NGEF: variants seen among roughly 807,000 people sequenced by gnomAD.
The protein encoded by NGEF is ephexin-1.
In NGEF, 31 loss-of-function variants were observed where a neutral mutation model predicts 80.9. The observed-to-expected ratio is 0.38, with a 90% CI of 0.29 to 0.52. The LOEUF (loss-of-function observed/expected upper bound fraction) is 0.52. Among genes scored for constraint, NGEF ranks in the 20% least tolerant of loss-of-function variants. The pLI, the probability that NGEF is intolerant of heterozygous loss-of-function variation, is 0.84. For synonymous variants in NGEF, 371 were observed against 370.2 expected, an observed-to-expected ratio of 1.00 and a Z score of -0.03; for missense variants, 709 against 926.2, an observed-to-expected ratio of 0.77 and a Z score of 3.04.
In NGEF at chr2:232,894,887, C is replaced by T. The variant is rs527494178; in HGVS notation, c.858G>A (p.Ala286=). The change falls in exon 6 of 15, where the codon GCG becomes GCA. Residue 286 remains alanine (A), a synonymous_variant. Transcript: ENST00000264051. ...EAMFELVTSE[A]SYYKSLNLLV... is the part of the protein sequence containing the mutation. ...GCAGGTTCAGACTCTTGTAGTAGGA[C>T]GCCTCGGAAGTGACCAGCTCGAACA... 3.2e-5 allele frequency: 51 copies of T among 1,601,990 alleles called. No homozygotes were observed. The highest frequency in any genetic ancestry group is 1.8e-4 in the Admixed American group (11 of 59,884).
chr2:232,968,991 G>A (rs1559228709), intron 3 of NGEF, among the ~76,000 whole-genome samples: 1 of 152,188 alleles, frequency 6.6e-6, no homozygotes, highest in Non-Finnish European at 1.5e-5. Flanking sequence ...AGGCGTGAAG[G>A]AGCCGCGGTC....
chr2:232,953,301 C>CAAAAAA (rs57652494), intron 3 of NGEF, among the ~76,000 whole-genome samples: 28 of 91,010 alleles, frequency 3.1e-4, no homozygotes, highest in East Asian at 6.6e-4. Context: ...GACTCTGTGT[C>CAAAAAA]AAAAAAAAAA....
intron 1 of NGEF, among the ~76,000 whole-genome samples, chr2:232,995,764 A>T (rs556402828): frequency 4.6e-4 from 67 of 146,698 alleles, no homozygotes; most frequent in African/African-American, 1.5e-3. Context: ...TATGTATTAT[A>T]TGTATTCATA....
chr2:232,958,085 T>C lies in NGEF; in HGVS notation c.383+12129A>G, dbSNP rs148281651. Among the ~76,000 whole-genome samples, 548 of 152,294 alleles carry C rather than the reference T, an allele frequency of 3.6e-3. 1 individual carries two copies. Among genetic ancestry groups the C allele is most frequent in the African/African-American group, 0.012 (516 of 41,564 alleles). On this transcript the variant is annotated intron_variant, in intron 3 of 14. Transcript: ENST00000264051. The stretch of plus-strand genomic sequence containing the variant: ...GATCCTTCCGATGCTCTAGTGTCCT[T>C]TGTTTTGCAGAACTAGGAGGCCAGT...
chr2:232,914,417 C>G (rs1040756542), intron 5 of NGEF, among the ~76,000 whole-genome samples: 13 of 152,182 alleles, frequency 8.5e-5, no homozygotes, highest in African/African-American at 2.9e-4. Flanking sequence ...GTAGAACATT[C>G]CATCATTGCC....
At chr2:232,973,649 C>T (rs902812023) in intron 2 of NGEF, among the ~76,000 whole-genome samples, 1 of 152,170 alleles carries the variant, frequency 6.6e-6, no homozygotes, top group African/African-American at 2.4e-5. Context: ...GCAGGCAGTC[C>T]CAGTTCACAG....
At chr2:232,902,055 CA>C (rs1692373068) in intron 5 of NGEF, among the ~76,000 whole-genome samples, 1 of 152,214 alleles carries the variant, frequency 6.6e-6, no homozygotes, top group Non-Finnish European at 1.5e-5. Flanking sequence ...GAGCCAGAGC[CA>C]GGGGCGCAGG....
rs1195331837 is a variant in NGEF at position 232,885,299 on chromosome 2, T to C, written c.1418A>G (p.Lys473Arg). 1 of 1,614,094 alleles carries C rather than the reference T, an allele frequency of 6.2e-7. No homozygotes were observed. The highest frequency in any genetic ancestry group is 1.7e-4 in the Middle Eastern group (1 of 6,060). Residue 473 changes from lysine (K) to arginine (R), a missense_variant, in exon 10 of 15, where the codon AAG becomes AGG. Lys to Arg is a conservative substitution (Grantham distance 26). This residue lies in a region of NGEF where 426 missense variants were observed against 622.9 expected (regional missense o/e 0.68). Coordinates refer to ENST00000264051, the MANE Select transcript of NGEF (RefSeq NM_019850.3). ...RTEQMISIQK[K>R]MEFKIKSVPI... ...GTTCACCTTGATCTTGAACTCCATC[T>C]TCTTCTGAATGCTGATCATCTGTTC...
chr2:232,929,201 C>G (rs1472874269), intron 3 of NGEF, among the ~76,000 whole-genome samples: 2 of 152,230 alleles, frequency 1.3e-5, no homozygotes, highest in African/African-American at 4.8e-5. Flanking sequence ...CCCGCACGCT[C>G]CAACCCACCC....
intron 1 of NGEF, among the ~76,000 whole-genome samples, chr2:232,991,678 T>A (rs1694653257): frequency 1.3e-5 from 2 of 152,156 alleles, no homozygotes; most frequent in South Asian, 4.1e-4. Context: ...TCCAAATTGA[T>A]CTCCATATTC....
Position 232,895,526 on chromosome 2 carries a change from TAA to T in NGEF, c.829-612_829-611del, listed in dbSNP as rs569482466. ...TGGGTGACAGAGTGAGACTCTGTCT[TAA>T]AAAAAAAAAAAAAAGGTCAGCCACA... On this transcript the variant is annotated intron_variant, in intron 5 of 14. Coordinates refer to ENST00000264051, the MANE Select transcript of NGEF (RefSeq NM_019850.3). Among the ~76,000 whole-genome samples the T allele has an allele frequency of 4.3e-3, 596 of 138,084 alleles. 1 individual carries two copies. Among genetic ancestry groups the T allele is most frequent in the African/African-American group, 0.01 (373 of 36,890 alleles). The allele number at this position is 138,084 out of a possible 152,430, so 90.6% of individuals were successfully genotyped here.
Position 232,888,222 on chromosome 2 carries a change from GCACA to G in NGEF, c.1273-119_1273-116del, listed in dbSNP as rs5839453. ...CCAGTCCAGCCCCATGCTGCAGCAT[GCACA>G]CACACACACACGCACGCACGCACAC... On this transcript the variant is annotated intron_variant, in intron 8 of 14. Transcript: ENST00000264051. 5,985 of 643,678 alleles carry G rather than the reference GCACA, an allele frequency of 9.3e-3. 233 individuals are homozygous for G. Among genetic ancestry groups the G allele is most frequent in the African/African-American group, 0.092 (4,982 of 54,006 alleles). The allele number at this position is 643,678 out of a possible 1,614,324, so 39.9% of individuals were successfully genotyped here.
intron 4 of NGEF, among the ~76,000 whole-genome samples, chr2:232,921,058 C>T (rs1177050303): frequency 6.6e-6 from 1 of 152,158 alleles, no homozygotes; most frequent in African/African-American, 2.4e-5. Context: ...ATCAGCATTT[C>T]ATCAATCTTA....
At chr2:232,932,931 C>T (rs565717634) in intron 3 of NGEF, among the ~76,000 whole-genome samples, 8 of 124,950 alleles carry the variant, frequency 6.4e-5, no homozygotes, top group South Asian at 5.1e-4. Flanking sequence ...TGATGAAACC[C>T]TGTCTCTACT....
chr2:232,974,070 C>T lies in NGEF; in HGVS notation c.268+553G>A, dbSNP rs188740474. ...GGAAAAGAGTCTGTAGCACCAACACCCCATTTGTAAAGTTTTCTGAACTTT... is the reference window on the plus strand; with the variant it reads ...GGAAAAGAGTCTGTAGCACCAACACTCCATTTGTAAAGTTTTCTGAACTTT... On this transcript the variant is annotated intron_variant, in intron 2 of 14. Coordinates refer to ENST00000264051, the MANE Select transcript of NGEF (RefSeq NM_019850.3). Among the ~76,000 whole-genome samples, 25 of 152,244 alleles carry T rather than the reference C, an allele frequency of 1.6e-4. 1 individual carries two copies. The highest frequency in any genetic ancestry group is 6.0e-4 in the African/African-American group (25 of 41,524).
intron 5 of NGEF, among the ~76,000 whole-genome samples, chr2:232,908,376 A>T (rs1692622951): frequency 6.6e-6 from 1 of 152,112 alleles, no homozygotes; most frequent in South Asian, 2.1e-4. Context: ...TCTTCTTATC[A>T]GCTGTGTTTG....
At chr2:232,914,232 A>C (rs1692746886) in intron 5 of NGEF, among the ~76,000 whole-genome samples, 1 of 152,216 alleles carries the variant, frequency 6.6e-6, no homozygotes, top group Admixed American at 6.5e-5. Flanking sequence ...TGGCCCTTTA[A>C]CAGAAAGTTT....
At chr2:232,973,924 C>T (rs932367311) in intron 2 of NGEF, among the ~76,000 whole-genome samples, 3 of 152,172 alleles carry the variant, frequency 2.0e-5, no homozygotes, top group Admixed American at 2.0e-4. Context: ...GGTTGCCACT[C>T]TGGCACACTC....
At chr2:232,982,366 G>A (rs554611193) in intron 1 of NGEF, among the ~76,000 whole-genome samples, 38 of 152,308 alleles carry the variant, frequency 2.5e-4, no homozygotes, top group Middle Eastern at 6.8e-3. Context: ...AAGGGGGCAG[G>A]AAGATGGGGC....
Sources: gnomAD v4.1 joint callset for allele counts (sites outside exome capture counted in the v4.1 genomes callset) on GRCh38, gnomAD v4.1.1 for gene constraint, gnomAD v4.1.1 regional missense constraint, MANE v1.5 for transcripts, NCBI Gene and HGNC (gene_info 2026-07-23, HGNC 2026-07-21) for gene names.